The following ISM2 variants were observed in gnomAD, a reference collection of about 807,000 sequenced individuals.
ISM2 encodes isthmin-2.
In ISM2, 50 loss-of-function variants were observed where a neutral mutation model predicts 58.0. That is an observed-to-expected ratio of 0.86 (90% CI 0.69 to 1.09). The LOEUF is 1.09. Among genes scored for constraint, ISM2 ranks in the 50% least tolerant of loss-of-function variants. The pLI, the probability that ISM2 is intolerant of heterozygous loss-of-function variation, is 0.00. For missense variants in ISM2, 723 were observed against 745.0 expected, an observed-to-expected ratio of 0.97 and a Z score of 0.34; for synonymous variants, 303 against 312.4, an observed-to-expected ratio of 0.97 and a Z score of 0.32.
At chr14:77,496,799 G>GAAAA (rs772342344) in intron 1 of ISM2, among the ~76,000 whole-genome samples, 6 of 25,788 alleles carry the variant, frequency 2.3e-4, no homozygotes, top group Admixed American at 4.6e-4. Flanking sequence ...TCCATCTCAG[G>GAAAA]AAAAAAAAAA....
chr14:77,478,875 C>T (rs2079114938), intron 4 of ISM2, among the ~76,000 whole-genome samples, 160 bp from the exon 5 acceptor site: 1 of 152,202 alleles, frequency 6.6e-6, no homozygotes, highest in East Asian at 1.9e-4. Context: ...CACCTGCTCC[C>T]TCAACTGGAT....
intron 2 of ISM2, 47 bp downstream of exon 2, chr14:77,484,630 G>A: frequency 6.2e-7 from 1 of 1,606,382 alleles, no homozygotes; most frequent in South Asian, 1.1e-5. Context: ...CCCAGAAAAG[G>A]CTGGCCAGGC....
chr14:77,490,341 G>A (rs1456608107), intron 1 of ISM2, among the ~76,000 whole-genome samples: 1 of 152,168 alleles, frequency 6.6e-6, no homozygotes, highest in Admixed American at 6.5e-5. Flanking sequence ...CACAAAAAAT[G>A]TGGCCAGTTG....
chr14:77,486,965 G>A (rs944306331), intron 1 of ISM2, among the ~76,000 whole-genome samples: 1 of 151,914 alleles, frequency 6.6e-6, no homozygotes, highest in African/African-American at 2.4e-5. Context: ...CTCTAGGCCA[G>A]GCACGGTGGC....
intron 4 of ISM2, among the ~76,000 whole-genome samples, chr14:77,481,412 T>C (rs979746663): frequency 6.6e-6 from 1 of 152,220 alleles, no homozygotes; most frequent in Non-Finnish European, 1.5e-5. Flanking sequence ...CTGAACAGTT[T>C]GTGCTGCTGT....
At chr14:77,485,613 C>T (rs2079162963) in intron 1 of ISM2, among the ~76,000 whole-genome samples, 3 of 152,274 alleles carry the variant, frequency 2.0e-5, no homozygotes, top group Non-Finnish European at 4.4e-5. Context: ...GACTCCTGTT[C>T]AGCATTCATC....
intron 1 of ISM2, 131 bp from the exon 2 acceptor site, chr14:77,485,050 C>A: frequency 1.1e-6 from 1 of 934,604 alleles, no homozygotes; most frequent in East Asian, 2.4e-5. Flanking sequence ...TGACTTACAT[C>A]TCTCTGGAGT....
Position 77,475,511 on chromosome 14 carries a change from C to A in ISM2, c.*84G>T. The A allele has an allele frequency of 3.0e-6, 1 of 328,434 alleles. No individual in the cohort carries two copies. 20.3% of individuals were successfully genotyped at this position (328,434 alleles called of 1,614,324 possible). On this transcript the variant is annotated 3_prime_UTR_variant, in exon 7 of 7. Coordinates refer to ENST00000342219, the MANE Select transcript of ISM2 (RefSeq NM_199296.3). The surrounding 1 kb of genome is among the most constrained non-coding windows in gnomAD (Gnocchi z 4.1). ...GAGCCCTTTCCTCACCCTGTCTGGG[C>A]AGGGGCGGGTGAGGAAAGTTCTCCC...
In ISM2 at chr14:77,498,807, A is replaced by G; in HGVS notation, c.-14T>C. 1 of 1,410,888 alleles carries G rather than the reference A, an allele frequency of 7.1e-7. No individual in the cohort carries two copies. Among genetic ancestry groups the G allele is most frequent in the Non-Finnish European group, 9.2e-7 (1 of 1,091,398 alleles). The allele number at this position is 1,410,888 out of a possible 1,614,324, so 87.4% of individuals were successfully genotyped here. A position where few individuals can be genotyped will look rare whatever the true frequency, so the allele number is the denominator to read the frequency against. ...GAGCGCACGCATCGTCTCGGTTCCG[A>G]GGCTGCTCTGCCTGCACCTCTGCAC... is the stretch of plus-strand genomic sequence containing the variant. On this transcript the variant is annotated 5_prime_UTR_variant, in exon 1 of 7. Transcript: ENST00000342219.
At chr14:77,494,599 G>A (rs923011312) in intron 1 of ISM2, among the ~76,000 whole-genome samples, 5 of 151,968 alleles carry the variant, frequency 3.3e-5, no homozygotes, top group African/African-American at 1.2e-4. Context: ...GTTTCACCAG[G>A]TTGGCCAGGC....
intron 1 of ISM2, among the ~76,000 whole-genome samples, chr14:77,496,929 A>T (rs28820314): frequency 6.6e-6 from 1 of 151,378 alleles, no homozygotes; most frequent in South Asian, 2.1e-4. Flanking sequence ...CACATCCTCA[A>T]GTGCAGCCAG....
rs144616672 is a variant in ISM2, at chr14:77,497,839, G to T, written c.141+814C>A. Among the ~76,000 whole-genome samples the T allele has an allele frequency of 1.5e-3, 223 of 151,246 alleles. 1 individual carries two copies. The highest frequency in any genetic ancestry group is 5.0e-3 in the African/African-American group (205 of 41,094). On this transcript the variant is annotated intron_variant, in intron 1 of 6. Transcript: ENST00000342219. Reference sequence around the variant, plus strand: ...GGAAGGAAGGAAGGAAGGAAAAACGGCAAGATGGGAAGAGCTATTCGGGCC... The same window carrying T: ...GGAAGGAAGGAAGGAAGGAAAAACGTCAAGATGGGAAGAGCTATTCGGGCC...
intron 1 of ISM2, among the ~76,000 whole-genome samples, chr14:77,491,942 T>A (rs2079208015): frequency 6.6e-6 from 1 of 151,674 alleles, no homozygotes; most frequent in Admixed American, 6.6e-5. Flanking sequence ...GGGATCCGCC[T>A]GCCTCAGCCT....
intron 3 of ISM2, 69 bp downstream of exon 3, chr14:77,484,254 G>C: frequency 1.9e-6 from 3 of 1,565,812 alleles, no homozygotes; most frequent in Non-Finnish European, 2.6e-6. Context: ...AGGGTATCCT[G>C]AGCCCACCTT....
At chr14:77,478,201 G>A (rs774999259) in intron 6 of ISM2, 41 bp downstream of exon 6, 27 of 1,554,958 alleles carry the variant, frequency 1.7e-5, no homozygotes, top group African/African-American at 1.4e-5. Flanking sequence ...CTGAGAGCTC[G>A]TTCCCCAAAC....
intron 1 of ISM2, among the ~76,000 whole-genome samples, chr14:77,487,260 T>TAAAA (rs139595160): frequency 6.6e-6 from 1 of 150,552 alleles, no homozygotes; most frequent in African/African-American, 2.4e-5. Flanking sequence ...AATAAATAAA[T>TAAAA]AAATAAATAA....
intron 1 of ISM2, 103 bp downstream of exon 1, chr14:77,498,550 T>G (rs1316017546): frequency 7.2e-7 from 1 of 1,386,206 alleles, no homozygotes. Flanking sequence ...GGGGGGTCGC[T>G]GCCTGTGTGT....
intron 1 of ISM2, chr14:77,498,345 C>A: frequency 7.1e-7 from 1 of 1,415,746 alleles, no homozygotes. Context: ...GCGAGGTCCG[C>A]TCAGGGCGAG....
chr14:77,482,731 G>C lies in ISM2; in HGVS notation c.628-64C>G, dbSNP rs971997665. The C allele has an allele frequency of 5.0e-6, 5 of 998,720 alleles. No homozygotes were observed. The Admixed American group carries it at 1.2e-4, about 23-fold the overall frequency. 61.9% of individuals were successfully genotyped at this position (998,720 alleles called of 1,614,324 possible). On this transcript the variant is annotated intron_variant, in intron 3 of 6. Coordinates refer to ENST00000342219, the MANE Select transcript of ISM2 (RefSeq NM_199296.3). ...TTAGAGCTGCATTCCAAAGAGACGAGGGATGATGGGGTCAGGGTCAGAGGT... is the reference window on the plus strand; with the variant it reads ...TTAGAGCTGCATTCCAAAGAGACGACGGATGATGGGGTCAGGGTCAGAGGT...
Sources: allele counts gnomAD v4.1 joint callset (sites outside exome capture counted in the v4.1 genomes callset), GRCh38; gene constraint gnomAD v4.1.1; non-coding constraint Gnocchi (gnomAD v3.1); transcripts MANE v1.5; gene names NCBI Gene and HGNC (gene_info 2026-07-23, HGNC 2026-07-21).